IL1R1: variants seen among roughly 807,000 people sequenced by gnomAD.
IL1R1 encodes the protein interleukin-1 receptor type 1.
In IL1R1, 22 loss-of-function variants were observed where a neutral mutation model predicts 50.2. That is an observed-to-expected ratio of 0.44 (90% CI 0.31 to 0.63). The LOEUF (loss-of-function observed/expected upper bound fraction) is 0.63, where lower values mean the gene tolerates loss of function less well. IL1R1 is among the 20% of genes least tolerant of loss of function. The probability of loss-of-function intolerance (pLI) is 0.07; values close to 1 mark genes in which losing one functional copy is unlikely to be tolerated. For synonymous variants in IL1R1, 251 were observed against 236.7 expected (o/e 1.06, Z -0.55); for missense variants, 509 against 676.2 (o/e 0.75, Z 2.74).
intron 1 of IL1R1, among the ~76,000 whole-genome samples, chr2:102,076,212 C>T (rs1488529994): frequency 6.9e-6 from 1 of 145,462 alleles, no homozygotes; most frequent in Non-Finnish European, 1.5e-5. Context: ...GAATCTCACT[C>T]TGTCGCCTAG....
chr2:102,155,643 C>G (rs1684114805), intron 2 of IL1R1, among the ~76,000 whole-genome samples: 1 of 152,176 alleles, frequency 6.6e-6, no homozygotes, highest in Admixed American at 6.5e-5. Context: ...ATCCCAAAAG[C>G]CCGCTGCTGA....
chr2:102,108,950 AT>A (rs1424938389), intron 1 of IL1R1, among the ~76,000 whole-genome samples: 2 of 27,992 alleles, frequency 7.1e-5, no homozygotes, highest in African/African-American at 1.8e-4. Flanking sequence ...GTACTGAATA[AT>A]AATAATAATA....
chr2:102,149,900 T>C (rs1683502758), intron 1 of IL1R1, among the ~76,000 whole-genome samples: 1 of 152,106 alleles, frequency 6.6e-6, no homozygotes, highest in Non-Finnish European at 1.5e-5. Context: ...AGCCTATGTT[T>C]TGACAGACAT....
chr2:102,081,341 G>T (rs1679199438), intron 1 of IL1R1, among the ~76,000 whole-genome samples: 1 of 152,164 alleles, frequency 6.6e-6, no homozygotes, highest in African/African-American at 2.4e-5. Context: ...GGGAGCCTGG[G>T]ATGGAAGAGT....
At chr2:102,097,889 T>C (rs1214867197) in intron 1 of IL1R1, among the ~76,000 whole-genome samples, 2 of 151,940 alleles carry the variant, frequency 1.3e-5, no homozygotes, top group African/African-American at 2.4e-5. Context: ...TTTTAGAGGA[T>C]AAAAATTAAA....
Position 102,142,919 on chromosome 2 carries a change from C to G in IL1R1, c.-185C>G, listed in dbSNP as rs1172999772. On this transcript the variant is annotated 5_prime_UTR_variant, in exon 1 of 12. Coordinates refer to ENST00000410023, the MANE Select transcript of IL1R1 (RefSeq NM_000877.4). The stretch of plus-strand genomic sequence containing the variant: ...ATGTGACAATCGCGCGCCCGCGCAC[C>G]GAAGCACTCCTCGCTCGGCTCCTAG... 1.3e-5 allele frequency: 2 copies of G among 151,698 alleles called. No homozygotes were observed. The highest frequency in any genetic ancestry group is 1.3e-4 in the Admixed American group (2 of 15,226). The allele number at this position is 151,698 out of a possible 1,614,324, so 9.4% of individuals were successfully genotyped here.
intron 1 of IL1R1, among the ~76,000 whole-genome samples, chr2:102,095,651 G>C (rs1162140481): frequency 6.6e-6 from 1 of 152,150 alleles, no homozygotes; most frequent in African/African-American, 2.4e-5. Context: ...CTGAACGTCA[G>C]TGTTTCTGTA....
chr2:102,164,118 C>G (rs1684961447), intron 3 of IL1R1, among the ~76,000 whole-genome samples: 1 of 152,048 alleles, frequency 6.6e-6, no homozygotes, highest in Admixed American at 6.6e-5. Flanking sequence ...GGGTCATTTT[C>G]TTATATGCTT....
intron 1 of IL1R1, among the ~76,000 whole-genome samples, chr2:102,135,214 G>A (rs1682278945): frequency 6.6e-6 from 1 of 152,134 alleles, no homozygotes; most frequent in South Asian, 2.1e-4. Flanking sequence ...GGGAACCACA[G>A]TGTTGCCTCT....
Position 102,129,297 on chromosome 2 carries a change from A to AAC in IL1R1, c.-84+24426_-84+24427dup, listed in dbSNP as rs1559477566. On this transcript the variant is annotated intron_variant, in intron 1 of 10. Coordinates refer to the IL1R1 transcript ENST00000409329. ...ACAACAACAACAACAACAACAACAA[A>AAC]ACCAAAACAAGAACTCCTTCCCAAA... Among the ~76,000 whole-genome samples, 109 of 141,134 alleles carry AAC rather than the reference A, an allele frequency of 7.7e-4. No homozygotes were observed. The Middle Eastern group carries it at 0.011, about 14-fold the overall frequency. The allele number at this position is 141,134 out of a possible 152,430, so 92.6% of individuals were successfully genotyped here. A position where few individuals can be genotyped will look rare whatever the true frequency, so the allele number is the denominator to read the frequency against.
chr2:102,162,003 ACTT>A (rs1684775943), intron 3 of IL1R1, among the ~76,000 whole-genome samples: 1 of 152,008 alleles, frequency 6.6e-6, no homozygotes, highest in South Asian at 2.1e-4. Context: ...CGCCTGGCTG[ACTT>A]CTTTATTTTT....
intron 3 of IL1R1, among the ~76,000 whole-genome samples, chr2:102,161,890 T>C (rs563063042): frequency 1.3e-5 from 2 of 151,898 alleles, no homozygotes; most frequent in East Asian, 3.9e-4. Context: ...TTAGTAGAGG[T>C]GGAGTTTCAC....
chr2:102,155,059 C>G (rs1684047197), intron 2 of IL1R1, among the ~76,000 whole-genome samples: 1 of 152,190 alleles, frequency 6.6e-6, no homozygotes, highest in African/African-American at 2.4e-5. Context: ...GAACCTTGTT[C>G]CTGTTTTTGT....
At chr2:102,140,324 T>G (rs1243101131), upstream of IL1R1, among the ~76,000 whole-genome samples, 1 of 152,248 alleles carries the variant, frequency 6.6e-6, no homozygotes, top group African/African-American at 2.4e-5. Flanking sequence ...TGATTTTGTT[T>G]CATGTGCATT....
chr2:102,157,805 G>A lies in IL1R1; in HGVS notation c.61+20G>A. Reference sequence around the variant, plus strand: ...AGGCTGGTAAGTTAAGTATTTCTTTGTGTTCTTGTCTGCTAAGAAAATCTG... The same window carrying A: ...AGGCTGGTAAGTTAAGTATTTCTTTATGTTCTTGTCTGCTAAGAAAATCTG... On this transcript the variant is annotated intron_variant, in intron 3 of 11. Coordinates refer to ENST00000410023, the MANE Select transcript of IL1R1 (RefSeq NM_000877.4). The A allele has an allele frequency of 6.6e-7, 1 of 1,522,908 alleles. No individual in the cohort carries two copies. Among genetic ancestry groups the A allele is most frequent in the Non-Finnish European group, 9.1e-7 (1 of 1,098,796 alleles). 94.3% of individuals were successfully genotyped at this position (1,522,908 alleles called of 1,614,324 possible).
At chr2:102,133,409 A>C (rs908205734) in intron 1 of IL1R1, among the ~76,000 whole-genome samples, 1 of 152,162 alleles carries the variant, frequency 6.6e-6, no homozygotes, top group Non-Finnish European at 1.5e-5. Flanking sequence ...GTTCTCCCCA[A>C]CTCTGTGAGG....
upstream of IL1R1, among the ~76,000 whole-genome samples, chr2:102,101,765 T>C (rs17818195): frequency 0.28 from 42,185 of 152,168 alleles, 7,100 homozygotes; most frequent in Non-Finnish European, 0.36. Flanking sequence ...TGTGTTAGAA[T>C]GACGTCTTCT....
At chr2:102,117,964 T>A (rs956159580) in intron 1 of IL1R1, among the ~76,000 whole-genome samples, 2 of 149,976 alleles carry the variant, frequency 1.3e-5, no homozygotes, top group African/African-American at 4.9e-5. Context: ...AGGAAATGTA[T>A]ATATATATAC....
intron 6 of IL1R1, among the ~76,000 whole-genome samples, chr2:102,167,535 C>T (rs1381946470): frequency 6.7e-6 from 1 of 148,992 alleles, no homozygotes; most frequent in Non-Finnish European, 1.5e-5. Flanking sequence ...GCAAGCTCTG[C>T]CTCCCGGGTT....
Sources: gnomAD v4.1 joint callset for allele counts (sites outside exome capture counted in the v4.1 genomes callset) on GRCh38, gnomAD v4.1.1 for gene constraint, MANE v1.5 for transcripts, NCBI Gene and HGNC (gene_info 2026-07-23, HGNC 2026-07-21) for gene names.